Variants in RPL39L observed in about 807,000 individuals in gnomAD.
RPL39L encodes the protein ribosomal protein eL39-like 2.
For synonymous variants in RPL39L, 16 were observed against 20.1 expected (o/e 0.80, Z 0.55); for missense variants, 48 against 58.9 (o/e 0.81, Z 0.61).
intron 1 of RPL39L, among the ~76,000 whole-genome samples, chr3:187,129,812 C>T (rs1440786093): frequency 2.0e-5 from 3 of 151,516 alleles, no homozygotes; most frequent in East Asian, 3.9e-4. Flanking sequence ...CCTCCCTACT[C>T]CCAGGTCACC....
rs1031449313 is a variant in RPL39L, at chr3:187,121,090, G to A, written c.*55C>T. ...TGACATTTTCAGCTTGATATCGTAAGATGATCGTGAACTTGATACAGCATA... is the reference window on the plus strand; with the variant it reads ...TGACATTTTCAGCTTGATATCGTAAAATGATCGTGAACTTGATACAGCATA... On this transcript the variant is annotated 3_prime_UTR_variant, in exon 3 of 3. Coordinates refer to ENST00000296277, the MANE Select transcript of RPL39L (RefSeq NM_052969.3). 13 of 1,586,840 alleles carry A rather than the reference G, an allele frequency of 8.2e-6. No individual in the cohort carries two copies. Among genetic ancestry groups the A allele is most frequent in the Admixed American group, 5.0e-5 (3 of 59,666 alleles).
At chr3:187,137,550 C>T (rs1346561804) in intron 1 of RPL39L, among the ~76,000 whole-genome samples, 2 of 151,790 alleles carry the variant, frequency 1.3e-5, no homozygotes, top group East Asian at 1.9e-4. Context: ...CGGTGGCTCA[C>T]GCCTGCAATC....
intron 2 of RPL39L, among the ~76,000 whole-genome samples, chr3:187,127,401 G>A (rs147643253): frequency 8.1e-4 from 123 of 152,298 alleles, no homozygotes; most frequent in African/African-American, 2.7e-3. Flanking sequence ...CCACTAGTAT[G>A]AAAAAAGGAA....
chr3:187,124,965 T>C (rs1720373858), intron 2 of RPL39L, among the ~76,000 whole-genome samples: 1 of 152,192 alleles, frequency 6.6e-6, no homozygotes, highest in African/African-American at 2.4e-5. Context: ...ACAGCTATTA[T>C]ATATGACCAG....
intron 1 of RPL39L, among the ~76,000 whole-genome samples, chr3:187,138,080 G>A (rs570859286): frequency 6.6e-6 from 1 of 152,280 alleles, no homozygotes; most frequent in African/African-American, 2.4e-5. Flanking sequence ...TCAGTTAATA[G>A]AAGCATCCGT....
intron 1 of RPL39L, among the ~76,000 whole-genome samples, chr3:187,134,483 T>TAAAAAAAAAA (rs72169562): frequency 3.1e-4 from 29 of 93,398 alleles, no homozygotes; most frequent in African/African-American, 1.1e-3. Flanking sequence ...GCCTGACTGA[T>TAAAAAAAAAA]AAAAAAAAAA....
At chr3:187,127,918 C>T (rs1720425095) in intron 2 of RPL39L, 81 bp downstream of exon 2, 1 of 152,164 alleles carries the variant, frequency 6.6e-6, no homozygotes, top group Non-Finnish European at 1.5e-5. Flanking sequence ...AAGAAACTAT[C>T]TTAAATTTTT....
chr3:187,133,250 C>G (rs1720515714), intron 1 of RPL39L, among the ~76,000 whole-genome samples: 1 of 152,100 alleles, frequency 6.6e-6, no homozygotes. Flanking sequence ...AAATTGTAAT[C>G]CCCACCTGTT....
At chr3:187,126,663 A>C (rs1720402986) in intron 2 of RPL39L, among the ~76,000 whole-genome samples, 1 of 152,248 alleles carries the variant, frequency 6.6e-6, no homozygotes, top group Non-Finnish European at 1.5e-5. Flanking sequence ...ACAAAATAGT[A>C]AGGAATTATC....
At chr3:187,125,508 C>T (rs1032183043) in intron 2 of RPL39L, among the ~76,000 whole-genome samples, 2 of 151,998 alleles carry the variant, frequency 1.3e-5, no homozygotes, top group Non-Finnish European at 2.9e-5. Flanking sequence ...CTTTCTGAAT[C>T]GCTGCACTCA....
At chr3:187,126,323 G>C (rs957393151) in intron 2 of RPL39L, among the ~76,000 whole-genome samples, 6 of 151,708 alleles carry the variant, frequency 4.0e-5, no homozygotes, top group African/African-American at 9.7e-5. Flanking sequence ...CACTACACCC[G>C]GCTAATTTTT....
chr3:187,130,047 A>G (rs1027570765), intron 1 of RPL39L, among the ~76,000 whole-genome samples: 1 of 152,192 alleles, frequency 6.6e-6, no homozygotes, highest in Non-Finnish European at 1.5e-5. Context: ...GTTGGCTTAA[A>G]AAACCCATCA....
Position 187,125,712 on chromosome 3 carries a change from C to T in RPL39L, c.-29+2287G>A, listed in dbSNP as rs142513328. ...TATAAACCCCTAACTTTGGCTGGAG[C>T]GAGGAGATGGATTTGAGGTTTGGCT... On this transcript the variant is annotated intron_variant, in intron 2 of 2. Transcript: ENST00000296277. Among the ~76,000 whole-genome samples the T allele has an allele frequency of 3.3e-5, 5 of 152,052 alleles. No homozygotes were observed. The East Asian group carries it at 5.8e-4, about 18-fold the overall frequency.
intron 2 of RPL39L, among the ~76,000 whole-genome samples, chr3:187,122,965 A>G (rs961888267): frequency 6.6e-6 from 1 of 152,266 alleles, no homozygotes; most frequent in Non-Finnish European, 1.5e-5. Flanking sequence ...GAAGTTCTCA[A>G]TAGAAATACC....
At chr3:187,139,060 A>AAAAC (rs112153457) in intron 1 of RPL39L, among the ~76,000 whole-genome samples, 153 bp downstream of exon 1, 46,384 of 147,956 alleles carry the variant, frequency 0.31, 8,422 homozygotes, top group African/African-American at 0.53. Flanking sequence ...CCTGTCTCAA[A>AAAAC]AAACAAACAA....
intron 1 of RPL39L, among the ~76,000 whole-genome samples, chr3:187,129,050 A>G (rs1720444609): frequency 6.6e-6 from 1 of 152,220 alleles, no homozygotes; most frequent in Non-Finnish European, 1.5e-5. Context: ...AATCATTATC[A>G]TATCAACTAC....
intron 1 of RPL39L, among the ~76,000 whole-genome samples, chr3:187,137,123 C>T (rs765653582): frequency 1.2e-4 from 17 of 139,552 alleles, no homozygotes; most frequent in Non-Finnish European, 2.3e-4. Context: ...TGGCTTGAGC[C>T]GAGGAGATGA....
At chr3:187,126,401 C>T (rs191753230) in intron 2 of RPL39L, among the ~76,000 whole-genome samples, 2 of 151,956 alleles carry the variant, frequency 1.3e-5, no homozygotes, top group Non-Finnish European at 2.9e-5. Context: ...TGACCTCAGG[C>T]GATCTGCCCG....
chr3:187,138,902 TA>T (rs1386662296), intron 1 of RPL39L, among the ~76,000 whole-genome samples: 1 of 151,850 alleles, frequency 6.6e-6, no homozygotes, highest in Non-Finnish European at 1.5e-5. Flanking sequence ...TTACTAAAAA[TA>T]CAAAAATTAG....
Sources: allele counts gnomAD v4.1 joint callset (sites outside exome capture counted in the v4.1 genomes callset), GRCh38; gene constraint gnomAD v4.1.1; transcripts MANE v1.5; gene names NCBI Gene and HGNC (gene_info 2026-07-23, HGNC 2026-07-21).